Variants in PCDH15 observed in about 807,000 individuals in gnomAD.
PCDH15 encodes protocadherin related 15.
Under a neutral mutation model 178.5 loss-of-function variants are expected in PCDH15, and 129 were observed. That is an observed-to-expected ratio of 0.72 (90% CI 0.63 to 0.84). The LOEUF is 0.84. Ranked by LOEUF, PCDH15 falls within the 40% of genes least tolerant of loss-of-function variation. PCDH15 has a pLI of 0.00. For synonymous variants in PCDH15, 800 were observed against 732.0 expected (o/e 1.09, Z -1.50); for missense variants, 2,230 against 2,099.9 (o/e 1.06, Z -1.21).
chr10:54,066,414 T>A (rs2094137954), intron 18 of PCDH15, among the ~76,000 whole-genome samples: 1 of 152,180 alleles, frequency 6.6e-6, no homozygotes, highest in Admixed American at 6.5e-5. Flanking sequence ...AATCTAAATA[T>A]ATATATTTTG....
At chr10:54,707,051 AG>A (rs1822762020) in intron 1 of PCDH15, among the ~76,000 whole-genome samples, 4 of 152,224 alleles carry the variant, frequency 2.6e-5, no homozygotes, top group Admixed American at 6.5e-5. Context: ...ACATGTTAAT[AG>A]TAAGAGATGT....
intron 20 of PCDH15, among the ~76,000 whole-genome samples, chr10:54,007,191 A>G (rs992464785): frequency 2.0e-5 from 3 of 152,152 alleles, no homozygotes; most frequent in Admixed American, 1.3e-4. Context: ...CTCTAAGACC[A>G]GGTTTCTATT....
intron 8 of PCDH15, among the ~76,000 whole-genome samples, chr10:54,248,925 T>A (rs1029440544): frequency 2.0e-5 from 3 of 151,974 alleles, no homozygotes; most frequent in South Asian, 4.1e-4. Flanking sequence ...TAAATCGCCT[T>A]AAAAATGGAG....
intron 3 of PCDH15, among the ~76,000 whole-genome samples, chr10:54,823,281 G>A (rs1398955565): frequency 2.0e-5 from 3 of 151,986 alleles, no homozygotes; most frequent in African/African-American, 4.8e-5. Context: ...TCAGGCTCCA[G>A]TATGGTCTTA....
chr10:54,569,331 A>G (rs2089474886), intron 2 of PCDH15, among the ~76,000 whole-genome samples: 1 of 152,120 alleles, frequency 6.6e-6, no homozygotes, highest in Non-Finnish European at 1.5e-5. Flanking sequence ...CTCATTTTTT[A>G]TTTGATCATG....
intron 21 of PCDH15, among the ~76,000 whole-genome samples, chr10:53,988,520 A>G (rs1209287388): frequency 1.3e-5 from 2 of 152,196 alleles, no homozygotes; most frequent in Non-Finnish European, 2.9e-5. Flanking sequence ...GTCCAAACAT[A>G]GCCACCATGC....
chr10:55,604,189 A>T lies in PCDH15; in HGVS notation c.-156+23436T>A, dbSNP rs879685329. The stretch of plus-strand genomic sequence containing the variant: ...GTAAAGGGATCAATTCAACAAGAAG[A>T]GCTAACTATCCTAAATATATATGCA... On this transcript the variant is annotated intron_variant, in intron 2 of 5. Transcript: ENST00000613346. Among the ~76,000 whole-genome samples, 807 of 104,466 alleles carry T rather than the reference A, an allele frequency of 7.7e-3. 2 individuals carry two copies. The highest frequency in any genetic ancestry group is 0.013 in the Non-Finnish European group (644 of 51,386). The allele number at this position is 104,466 out of a possible 152,430, so 68.5% of individuals were successfully genotyped here.
At chr10:53,981,192 G>C (rs2090610372) in intron 21 of PCDH15, among the ~76,000 whole-genome samples, 1 of 152,084 alleles carries the variant, frequency 6.6e-6, no homozygotes, top group South Asian at 2.1e-4. Flanking sequence ...TTTACACCAA[G>C]AAAATAGAAT....
chr10:54,977,188 G>A (rs750689079), intron 2 of PCDH15, among the ~76,000 whole-genome samples: 3 of 152,146 alleles, frequency 2.0e-5, no homozygotes, highest in Non-Finnish European at 4.4e-5. Flanking sequence ...ATCTTGCATA[G>A]GGTCTGGGTA....
intron 8 of PCDH15, among the ~76,000 whole-genome samples, chr10:54,256,264 A>T (rs1382175459): frequency 2.7e-5 from 4 of 150,212 alleles, no homozygotes; most frequent in Non-Finnish European, 4.5e-5. Flanking sequence ...CAGAAAAGAT[A>T]AAAAAAAGCA....
At chr10:55,412,448 T>A (rs1838362540) in intron 2 of PCDH15, among the ~76,000 whole-genome samples, 1 of 151,482 alleles carries the variant, frequency 6.6e-6, no homozygotes, top group South Asian at 2.1e-4. Context: ...TGCAATAGAG[T>A]AGAGTGGGGA....
intron 26 of PCDH15, among the ~76,000 whole-genome samples, chr10:53,892,838 T>G (rs937634332): frequency 6.6e-6 from 1 of 152,180 alleles, no homozygotes; most frequent in Non-Finnish European, 1.5e-5. Flanking sequence ...ATATATTCTT[T>G]AAAAATAAAA....
At chr10:55,545,145 C>T (rs866272827) in intron 2 of PCDH15, among the ~76,000 whole-genome samples, 6 of 152,112 alleles carry the variant, frequency 3.9e-5, no homozygotes, top group African/African-American at 1.2e-4. Context: ...AAGAAGACTA[C>T]TGTGCTGTAA....
At chr10:55,192,671 T>C (rs1839973902) in intron 1 of PCDH15, among the ~76,000 whole-genome samples, 1 of 151,684 alleles carries the variant, frequency 6.6e-6, no homozygotes, top group Admixed American at 6.6e-5. Flanking sequence ...CTAAACATTT[T>C]TCTTCATTAA....
chr10:54,758,998 A>C (rs1012971208), intron 1 of PCDH15, among the ~76,000 whole-genome samples: 2 of 151,820 alleles, frequency 1.3e-5, no homozygotes. Context: ...TCTTATCTCT[A>C]TGGCATGTGA....
chr10:55,523,808 T>C (rs1255540936), intron 2 of PCDH15, among the ~76,000 whole-genome samples: 2 of 151,672 alleles, frequency 1.3e-5, no homozygotes, highest in Non-Finnish European at 3.0e-5. Context: ...CACTAGTCTC[T>C]ATTGTAGTAA....
At chr10:53,958,845 G>T (rs1202805609) in intron 23 of PCDH15, among the ~76,000 whole-genome samples, 1 of 151,748 alleles carries the variant, frequency 6.6e-6, no homozygotes, top group Admixed American at 6.6e-5. Flanking sequence ...CAGGCATGGT[G>T]GTGGGCACCT....
At chr10:54,470,487 T>C (rs1257410903) in intron 3 of PCDH15, among the ~76,000 whole-genome samples, 1 of 152,108 alleles carries the variant, frequency 6.6e-6, no homozygotes, top group Non-Finnish European at 1.5e-5. Flanking sequence ...GACTGGGCTC[T>C]CAAAATAGCA....
chr10:55,256,162 A>C (rs564387153), intron 1 of PCDH15, among the ~76,000 whole-genome samples: 97 of 152,316 alleles, frequency 6.4e-4, no homozygotes, highest in Middle Eastern at 3.4e-3. Context: ...TCAGCTTTCT[A>C]CATATGGCTA....
Sources: gnomAD v4.1 joint callset for allele counts (sites outside exome capture counted in the v4.1 genomes callset) on GRCh38, gnomAD v4.1.1 for gene constraint, MANE v1.5 for transcripts, NCBI Gene and HGNC (gene_info 2026-07-23, HGNC 2026-07-21) for gene names.